NLGN1: variants seen among roughly 807,000 people sequenced by gnomAD.
The protein encoded by NLGN1 is neuroligin-1.
NLGN1 carries 12 observed loss-of-function variants against 65.5 expected under a neutral mutation model. The observed-to-expected ratio is 0.18, with a 90% CI of 0.12 to 0.30. The LOEUF is 0.30. NLGN1 is among the 10% of genes least tolerant of loss of function. The pLI is 1.00. For synonymous variants in NLGN1, 350 were observed against 359.5 expected (o/e 0.97, Z 0.30); for missense variants, 750 against 1,007.1 (o/e 0.74, Z 3.46).
intron 4 of NLGN1, among the ~76,000 whole-genome samples, chr3:173,919,869 T>C (rs1331392250): frequency 6.6e-6 from 1 of 152,108 alleles, no homozygotes; most frequent in Admixed American, 6.6e-5. Flanking sequence ...ATAATAGACA[T>C]TTTTCTAAAA....
At chr3:173,674,127 T>C (rs1040034388) in intron 3 of NLGN1, among the ~76,000 whole-genome samples, 6 of 152,154 alleles carry the variant, frequency 3.9e-5, no homozygotes, top group African/African-American at 1.4e-4. Flanking sequence ...CCAATAATCA[T>C]TCATGTCTAG....
chr3:174,253,398 G>C (rs557116980), intron 4 of NLGN1, among the ~76,000 whole-genome samples: 1 of 152,266 alleles, frequency 6.6e-6, no homozygotes, highest in African/African-American at 2.4e-5. Flanking sequence ...ATCTGGGAGA[G>C]TATGCCTCAC....
chr3:174,210,330 T>G (rs954403581), intron 4 of NLGN1, among the ~76,000 whole-genome samples: 3 of 152,204 alleles, frequency 2.0e-5, no homozygotes, highest in African/African-American at 7.2e-5. Context: ...TGAAGGCTGT[T>G]GTCTATATTA....
At chr3:173,986,427 C>T (rs1017004435) in intron 4 of NLGN1, among the ~76,000 whole-genome samples, 4 of 151,968 alleles carry the variant, frequency 2.6e-5, no homozygotes, top group Non-Finnish European at 4.4e-5. Flanking sequence ...CGAGATCGGG[C>T]CACTGCACTC....
intron 4 of NLGN1, among the ~76,000 whole-genome samples, chr3:174,133,872 C>CT (rs1261023852): frequency 1.4e-5 from 2 of 141,782 alleles, no homozygotes; most frequent in African/African-American, 5.3e-5. Context: ...TTCTTTATCT[C>CT]TCCCCCACCA....
chr3:173,430,085 C>T (rs1032344814), intron 1 of NLGN1, among the ~76,000 whole-genome samples: 3 of 152,150 alleles, frequency 2.0e-5, no homozygotes, highest in Admixed American at 6.5e-5. Flanking sequence ...TAACTGGTGA[C>T]GAAACTGTCT....
chr3:174,277,888 C>T (rs1025096760), intron 5 of NLGN1, among the ~76,000 whole-genome samples: 1 of 151,622 alleles, frequency 6.6e-6, no homozygotes, highest in Non-Finnish European at 1.5e-5. Flanking sequence ...AAGCACAAAG[C>T]TGTATTTGGA....
rs183296480 is a variant in NLGN1, at chr3:174,151,426, T to C, written c.647-123889T>C. Among the ~76,000 whole-genome samples the C allele has an allele frequency of 3.4e-4, 52 of 152,292 alleles. 1 individual carries two copies. Among genetic ancestry groups the C allele is most frequent in the Non-Finnish European group, 5.7e-4 (39 of 67,998 alleles). ...GTTGCTGTAATATTGAATATGCTGA[T>C]TATGTGCATGATGTTTAAAATTTCT... On this transcript the variant is annotated intron_variant, in intron 4 of 6. Transcript: ENST00000457714.
At position 174,181,592 on chromosome 3, in the gene NLGN1, A is replaced by C. The variant is rs148029160; in HGVS notation, c.647-93723A>C. 1.7e-3 allele frequency among the ~76,000 whole-genome samples: 259 copies of C among 152,220 alleles called. 1 individual carries two copies. Among genetic ancestry groups the C allele is most frequent in the African/African-American group, 6.0e-3 (248 of 41,540 alleles). ...TGCAGAAGACCCTGATTCAATTAAT[A>C]TTTGTTGACTGGGAAACATTCAGAT... On this transcript the variant is annotated intron_variant, in intron 4 of 6. Coordinates refer to ENST00000457714, the Ensembl canonical transcript of NLGN1.
intron 2 of NLGN1, among the ~76,000 whole-genome samples, chr3:173,473,991 C>T (rs1472979442): frequency 6.6e-6 from 1 of 152,144 alleles, no homozygotes; most frequent in Non-Finnish European, 1.5e-5. Context: ...AAAAAGAGTG[C>T]CAGCGTTAGC....
rs115668555 is a variant in NLGN1 at position 173,803,013 on chromosome 3, T to C, written c.494-4667T>C. 5.1e-3 allele frequency among the ~76,000 whole-genome samples: 779 copies of C among 152,084 alleles called. 8 individuals are homozygous for C. Among genetic ancestry groups the C allele is most frequent in the African/African-American group, 0.017 (721 of 41,516 alleles). ...GCCTGCCACCATGCCCAGCTAATTT[T>C]TTGCTTTTAGTAGAGACATGGTTCA... is the stretch of plus-strand genomic sequence containing the variant. On this transcript the variant is annotated intron_variant, in intron 3 of 6. Coordinates refer to ENST00000457714, the Ensembl canonical transcript of NLGN1.
chr3:173,504,682 C>T (rs1022276885), intron 2 of NLGN1, among the ~76,000 whole-genome samples: 7 of 152,050 alleles, frequency 4.6e-5, no homozygotes, highest in African/African-American at 9.7e-5. Context: ...TGGTTTCACA[C>T]GAACTCTCCA....
chr3:174,024,632 T>C lies in NLGN1; in HGVS notation c.646+216800T>C, dbSNP rs114760967. Among the ~76,000 whole-genome samples, 1,005 of 152,210 alleles carry C rather than the reference T, an allele frequency of 6.6e-3. 14 individuals are homozygous for C. The highest frequency in any genetic ancestry group is 0.023 in the African/African-American group (943 of 41,528). On this transcript the variant is annotated intron_variant, in intron 4 of 6. Transcript: ENST00000457714. ...AGAATAACATAAAATAAATAAAAAA[T>C]AGTCATTATTCAGTGCTGTGGAAGG...
chr3:173,685,068 C>T (rs930976324), intron 3 of NLGN1, among the ~76,000 whole-genome samples: 4 of 152,030 alleles, frequency 2.6e-5, no homozygotes, highest in Non-Finnish European at 4.4e-5. Context: ...TATGTTAAGC[C>T]CTCCTTATTA....
intron 4 of NLGN1, among the ~76,000 whole-genome samples, chr3:174,046,058 G>T (rs1318095161): frequency 1.3e-5 from 2 of 152,088 alleles, no homozygotes; most frequent in Admixed American, 6.6e-5. Context: ...TTTCAATAAT[G>T]ACCTAAAGAG....
At chr3:174,213,896 C>T (rs1289764355) in intron 4 of NLGN1, among the ~76,000 whole-genome samples, 1 of 152,090 alleles carries the variant, frequency 6.6e-6, no homozygotes, top group Non-Finnish European at 1.5e-5. Flanking sequence ...AGGGATAAAA[C>T]ACTGGTTTCA....
At chr3:174,171,438 G>A (rs931728458) in intron 4 of NLGN1, among the ~76,000 whole-genome samples, 21 of 152,008 alleles carry the variant, frequency 1.4e-4, no homozygotes, top group Admixed American at 2.6e-4. Flanking sequence ...GGATTTGCTC[G>A]TTAAAAATAA....
intron 4 of NLGN1, among the ~76,000 whole-genome samples, chr3:173,847,892 A>T (rs760807697): frequency 2.0e-5 from 3 of 152,158 alleles, no homozygotes; most frequent in Non-Finnish European, 4.4e-5. Context: ...TAAATTAATT[A>T]AATTAAATTA....
At chr3:173,692,633 A>G (rs1256511810) in intron 3 of NLGN1, among the ~76,000 whole-genome samples, 1 of 152,080 alleles carries the variant, frequency 6.6e-6, no homozygotes, top group Non-Finnish European at 1.5e-5. Context: ...TATTTTAGAA[A>G]TGTGTTTGAT....
Sources: allele counts gnomAD v4.1 joint callset (sites outside exome capture counted in the v4.1 genomes callset), GRCh38; gene constraint gnomAD v4.1.1; transcripts MANE v1.5; gene names NCBI Gene and HGNC (gene_info 2026-07-23, HGNC 2026-07-21).